NRG3: variants seen among roughly 807,000 people sequenced by gnomAD.
NRG3 encodes neuregulin 3.
In NRG3, 31 loss-of-function variants were observed where a neutral mutation model predicts 66.9. The observed-to-expected ratio is 0.46, with a 90% CI of 0.35 to 0.63. NRG3 has a LOEUF of 0.63. NRG3 is among the 20% of genes least tolerant of loss of function. The pLI is 0.00. For missense variants in NRG3, 910 were observed against 878.9 expected, an observed-to-expected ratio of 1.04 and a Z score of -0.45; for synonymous variants, 393 against 359.4, an observed-to-expected ratio of 1.09 and a Z score of -1.06.
At chr10:82,007,151 T>C (rs958289179) in intron 1 of NRG3, among the ~76,000 whole-genome samples, 3 of 152,008 alleles carry the variant, frequency 2.0e-5, no homozygotes, top group Non-Finnish European at 4.4e-5. Flanking sequence ...GATTTAGTTA[T>C]AACTGTCATT....
At chr10:82,447,131 C>A (rs2090768557) in intron 2 of NRG3, among the ~76,000 whole-genome samples, 2 of 152,218 alleles carry the variant, frequency 1.3e-5, no homozygotes, top group African/African-American at 4.8e-5. Context: ...AAGAAAACAA[C>A]AATGTCTCAA....
At chr10:82,132,479 G>GATATATATATCAT (rs1491227241) in intron 1 of NRG3, among the ~76,000 whole-genome samples, 964 of 62,336 alleles carry the variant, frequency 0.015, 122 homozygotes, top group Non-Finnish European at 0.024. Flanking sequence ...ATATATATAT[G>GATATATATATCAT]ATATATATAT....
intron 3 of NRG3, among the ~76,000 whole-genome samples, chr10:82,820,118 G>A (rs773854775): frequency 1.3e-5 from 2 of 152,084 alleles, no homozygotes; most frequent in Non-Finnish European, 2.9e-5. Flanking sequence ...GGAGAGGTTT[G>A]GATAGCAGAG....
At chr10:82,974,016 G>T in intron 7 of NRG3, 101 bp downstream of exon 7, 1 of 1,340,902 alleles carries the variant, frequency 7.5e-7, no homozygotes, top group Admixed American at 1.9e-5. Context: ...AGAGACAACT[G>T]TTCTTGCTTC....
chr10:82,061,725 C>G (rs2064149983), intron 1 of NRG3, among the ~76,000 whole-genome samples: 1 of 152,068 alleles, frequency 6.6e-6, no homozygotes. Context: ...TGTTTTCCCC[C>G]TCTTCTCCCA....
intron 2 of NRG3, among the ~76,000 whole-genome samples, chr10:82,666,109 G>A (rs1056517409): frequency 1.3e-5 from 2 of 152,076 alleles, no homozygotes; most frequent in African/African-American, 4.8e-5. Context: ...TGATCCACCC[G>A]CCTTTGCCTC....
chr10:82,408,089 A>AG (rs1564888139), intron 2 of NRG3, among the ~76,000 whole-genome samples: 24 of 54,894 alleles, frequency 4.4e-4, no homozygotes, highest in African/African-American at 1.2e-3. Context: ...GAGAGACAGA[A>AG]AGAAAGAAAG....
intron 3 of NRG3, among the ~76,000 whole-genome samples, chr10:82,746,327 C>T (rs751559484): frequency 2.0e-5 from 3 of 152,124 alleles, no homozygotes; most frequent in African/African-American, 2.4e-5. Context: ...CTGTTGGCCC[C>T]GGCTCACTGG....
chr10:82,401,312 GGT>G (rs1365231416), intron 2 of NRG3, among the ~76,000 whole-genome samples: 2 of 150,654 alleles, frequency 1.3e-5, no homozygotes, highest in Non-Finnish European at 3.0e-5. Flanking sequence ...CATGTATATG[GGT>G]GTGTAGCTAT....
At chr10:82,308,956 G>A (rs1348166523) in intron 1 of NRG3, among the ~76,000 whole-genome samples, 1 of 152,110 alleles carries the variant, frequency 6.6e-6, no homozygotes, top group East Asian at 1.9e-4. Flanking sequence ...TTCAGCCTAA[G>A]GTATAAACAA....
At chr10:81,877,896 G>C (rs1841820982) in intron 1 of NRG3, 1 of 1,534,722 alleles carries the variant, frequency 6.5e-7, no homozygotes, top group Admixed American at 2.0e-5. Flanking sequence ...TCAATGGATT[G>C]AAAATGAGTC....
At chr10:82,701,392 C>T (rs190689446) in intron 2 of NRG3, among the ~76,000 whole-genome samples, 4 of 152,230 alleles carry the variant, frequency 2.6e-5, no homozygotes, top group East Asian at 1.9e-4. Flanking sequence ...TCCTGCCTCT[C>T]GCTTGATCAG....
At chr10:81,958,878 G>A (rs892348607) in intron 1 of NRG3, among the ~76,000 whole-genome samples, 6 of 151,964 alleles carry the variant, frequency 3.9e-5, no homozygotes, top group Non-Finnish European at 7.4e-5. Context: ...GCAACAGAGT[G>A]AGACTCTGTC....
intron 2 of NRG3, among the ~76,000 whole-genome samples, chr10:82,472,382 A>G (rs896374467): frequency 2.0e-5 from 3 of 152,258 alleles, no homozygotes; most frequent in African/African-American, 7.2e-5. Context: ...TCACAGGTAT[A>G]TAAGTGACAG....
At chr10:82,312,768 T>A (rs2081096806) in intron 1 of NRG3, among the ~76,000 whole-genome samples, 1 of 151,964 alleles carries the variant, frequency 6.6e-6, no homozygotes, top group African/African-American at 2.4e-5. Context: ...ACAACTCCCT[T>A]AGAGCTTTCT....
chr10:82,730,438 G>T (rs1286470302), intron 2 of NRG3, among the ~76,000 whole-genome samples: 1 of 151,974 alleles, frequency 6.6e-6, no homozygotes, highest in East Asian at 1.9e-4. Flanking sequence ...AGAAACGTCA[G>T]AGTGACATTT....
chr10:82,772,979 A>C (rs1431617238), intron 3 of NRG3, among the ~76,000 whole-genome samples: 2 of 152,058 alleles, frequency 1.3e-5, no homozygotes, highest in Non-Finnish European at 2.9e-5. Flanking sequence ...TTCTGGGATT[A>C]TGATCATGAG....
At chr10:82,870,910 A>C (rs916412030) in intron 4 of NRG3, among the ~76,000 whole-genome samples, 9 of 152,186 alleles carry the variant, frequency 5.9e-5, no homozygotes, top group Admixed American at 2.6e-4. Flanking sequence ...GCAAAGCAGA[A>C]ATTTTCAATT....
intron 3 of NRG3, among the ~76,000 whole-genome samples, chr10:82,789,021 A>C (rs1349612391): frequency 6.6e-6 from 1 of 151,964 alleles, no homozygotes; most frequent in Non-Finnish European, 1.5e-5. Flanking sequence ...ATTTATTTTG[A>C]ATATATATAC....
Sources: allele counts gnomAD v4.1 joint callset (sites outside exome capture counted in the v4.1 genomes callset), GRCh38; gene constraint gnomAD v4.1.1; transcripts MANE v1.5; gene names NCBI Gene and HGNC (gene_info 2026-07-23, HGNC 2026-07-21).